GALNT16: variants seen among roughly 807,000 people sequenced by gnomAD.
GALNT16 encodes UDP-GalNAc:polypeptide N-acetylgalactosaminyltransferase-like protein 1.
GALNT16 carries 40 observed loss-of-function variants against 76.1 expected under a neutral mutation model. That is an observed-to-expected ratio of 0.53 (90% confidence interval 0.41 to 0.68). The LOEUF (loss-of-function observed/expected upper bound fraction) is 0.68, where lower values mean the gene tolerates loss of function less well. Ranked by LOEUF, GALNT16 falls within the 30% of genes least tolerant of loss-of-function variation. The pLI, the probability that GALNT16 is intolerant of heterozygous loss-of-function variation, is 0.00. For missense variants in GALNT16, 621 were observed against 731.9 expected, an observed-to-expected ratio of 0.85 and a Z score of 1.75; for synonymous variants, 276 against 285.2, an observed-to-expected ratio of 0.97 and a Z score of 0.32.
chr14:69,372,494 T>TC, the GALNT16 span, among the ~76,000 whole-genome samples: 5 of 143,182 alleles, frequency 3.5e-5, no homozygotes, highest in Non-Finnish European at 7.7e-5. Context: ...CATTAGCCTT[T>TC]TTTTTTTTTT....
At chr14:69,276,661 A>G (rs1052676473) in intron 1 of GALNT16, among the ~76,000 whole-genome samples, 2 of 148,262 alleles carry the variant, frequency 1.3e-5, no homozygotes, top group Admixed American at 6.9e-5. Flanking sequence ...AGCCTGGGCA[A>G]CAGAGTGAGA....
At chr14:69,312,053 AAATCTGTCTATCTATCTATCTATCT>A (rs1422018144) in intron 1 of GALNT16, among the ~76,000 whole-genome samples, 1 of 127,750 alleles carries the variant, frequency 7.8e-6, no homozygotes, top group Non-Finnish European at 1.7e-5. Context: ...AAAAAAAAAA[AAATCTGTCTATCTATCTATCTATCT>A]ATCTATCTAT....
rs1334552623 is a variant in GALNT16, at chr14:69,262,870, GAT to G, written c.177+2404_177+2405del. ...ATCCCCACATTGATGCACACAGCAA[GAT>G]TTCTTTTTTTCTTTTTTTTTTTTTT... On this transcript the variant is annotated intron_variant, in intron 1 of 14. Coordinates refer to ENST00000448469, the MANE Select transcript of GALNT16 (RefSeq NM_001168368.2). Among the ~76,000 whole-genome samples the G allele has an allele frequency of 2.2e-5, 3 of 136,602 alleles. No homozygotes were observed. The East Asian group carries it at 7.0e-4, about 32-fold the overall frequency. 89.6% of individuals were successfully genotyped at this position (136,602 alleles called of 152,430 possible). A position where few individuals can be genotyped will look rare whatever the true frequency, so the allele number is the denominator to read the frequency against.
chr14:69,276,400 A>G (rs2044471658), intron 1 of GALNT16, among the ~76,000 whole-genome samples: 1 of 152,130 alleles, frequency 6.6e-6, no homozygotes, highest in African/African-American at 2.4e-5. Flanking sequence ...AGAAGCTTGG[A>G]GGCTGGGTGC....
intron 1 of GALNT16, chr14:69,298,661 C>A (rs1594832071): frequency 6.6e-6 from 1 of 152,366 alleles, no homozygotes; most frequent in Middle Eastern, 3.4e-3. Context: ...GTTGCCACAG[C>A]AACAGCTGTT....
the GALNT16 span, among the ~76,000 whole-genome samples, chr14:69,372,504 T>TC: frequency 6.8e-6 from 1 of 147,536 alleles, no homozygotes; most frequent in Non-Finnish European, 1.5e-5. Flanking sequence ...TTTTTTTTTT[T>TC]TTTTTTTTTG....
At chr14:69,383,750 A>AGG in the GALNT16 span, among the ~76,000 whole-genome samples, 2 of 152,252 alleles carry the variant, frequency 1.3e-5, no homozygotes, top group Non-Finnish European at 2.9e-5. Context: ...GGGAAGAATT[A>AGG]TCTAGGTAAT....
chr14:69,339,666 C>A, intron 11 of GALNT16, 47 bp downstream of exon 11: 3 of 1,183,144 alleles, frequency 2.5e-6, no homozygotes, highest in Non-Finnish European at 3.7e-6. Flanking sequence ...CCCACATTAG[C>A]ACAACCCCAG....
At position 69,339,449 on chromosome 14, in the gene GALNT16, G is replaced by A. The variant is rs114517657; in HGVS notation, c.1095-78G>A. The A allele has an allele frequency of 2.5e-4, 213 of 862,948 alleles. No individual in the cohort carries two copies. The African/African-American group carries it at 3.1e-3, about 12-fold the overall frequency. 53.5% of individuals were successfully genotyped at this position (862,948 alleles called of 1,614,324 possible). Reference sequence around the variant, plus strand: ...AGATTCTCATCGTCCTGTATTCATGGATCGATTAATCTTGATCCTGACCGC... The same window carrying A: ...AGATTCTCATCGTCCTGTATTCATGAATCGATTAATCTTGATCCTGACCGC... On this transcript the variant is annotated intron_variant, in intron 10 of 14. Coordinates refer to ENST00000448469, the MANE Select transcript of GALNT16 (RefSeq NM_001168368.2).
At chr14:69,366,910 A>G in the GALNT16 span, among the ~76,000 whole-genome samples, 1 of 152,222 alleles carries the variant, frequency 6.6e-6, no homozygotes, top group Non-Finnish European at 1.5e-5. Context: ...ACACAGTGCA[A>G]TATAAGCCAT....
At chr14:69,285,892 T>C (rs765256086) in intron 1 of GALNT16, among the ~76,000 whole-genome samples, 2 of 152,182 alleles carry the variant, frequency 1.3e-5, no homozygotes, top group Non-Finnish European at 2.9e-5. Flanking sequence ...GCAACCATAG[T>C]GACCCCAACC....
At chr14:69,301,349 A>AT (rs2044849489) in intron 1 of GALNT16, among the ~76,000 whole-genome samples, 2 of 152,056 alleles carry the variant, frequency 1.3e-5, no homozygotes, top group Non-Finnish European at 2.9e-5. Context: ...ATGTAGCTTT[A>AT]TTTTTTTAAA....
rs201578003 is a variant in GALNT16, at chr14:69,346,999, G to T, written c.1272-41G>T. 36 of 1,611,522 alleles carry T rather than the reference G, an allele frequency of 2.2e-5. 1 individual carries two copies. Among genetic ancestry groups the T allele is most frequent in the South Asian group, 1.8e-4 (16 of 91,018 alleles). ...CTGGCAGAGGGTGTAGGTAAGCCTT[G>T]GGGGGGAAAGCACAAGCCTGACTGC... On this transcript the variant is annotated intron_variant, in intron 12 of 14. Coordinates refer to ENST00000448469, the MANE Select transcript of GALNT16 (RefSeq NM_001168368.2).
the GALNT16 span, among the ~76,000 whole-genome samples, chr14:69,373,142 AACT>A: frequency 6.6e-6 from 1 of 152,212 alleles, no homozygotes; most frequent in South Asian, 2.1e-4. Flanking sequence ...TAAAAGACTC[AACT>A]ATACTCTTTT....
In GALNT16 at chr14:69,333,583, G is replaced by A. The variant is rs144140025; in HGVS notation, c.950G>A (p.Trp317Ter). ...LGKYDAQMDIWGGENFELSFR... is the reference protein window; with the variant it reads ...LGKYDAQMDI ...AAGTATGATGCCCAGATGGACATCT[G>A]GGGGGGAGAGAATTTTGGTGAGTTG... Residue 317 changes from tryptophan (W) to a stop codon, truncating the protein, a stop_gained, in exon 9 of 15, where the codon TGG becomes TAG. Coordinates refer to ENST00000448469, the MANE Select transcript of GALNT16 (RefSeq NM_001168368.2). LOFTEE classifies it high-confidence loss of function. This position sits in a 1 kb window ranked among gnomAD's most constrained non-coding sequence, Gnocchi z 4.2. 7 of 1,557,836 alleles carry A rather than the reference G, an allele frequency of 4.5e-6. No homozygotes were observed. The highest frequency in any genetic ancestry group is 2.2e-5 in the South Asian group (2 of 89,448).
intron 5 of GALNT16, 99 bp from the exon 6 acceptor site, chr14:69,328,351 T>G: frequency 8.0e-7 from 1 of 1,247,034 alleles, no homozygotes; most frequent in African/African-American, 1.5e-5. Flanking sequence ...TCAGGAAGCC[T>G]CAGCCCCTGA....
intron 12 of GALNT16, among the ~76,000 whole-genome samples, chr14:69,346,069 A>G (rs537822098): frequency 1.0e-4 from 15 of 150,012 alleles, no homozygotes; most frequent in Non-Finnish European, 1.8e-4. Context: ...TTTTTTTTTA[A>G]TTTTTGTAGA....
At chr14:69,322,924 GGGTGTGTGTGTGTGTGT>G (rs1255386792) in intron 2 of GALNT16, among the ~76,000 whole-genome samples, 53 of 104,708 alleles carry the variant, frequency 5.1e-4, no homozygotes, top group African/African-American at 1.9e-3. Flanking sequence ...GTGGCTCACG[GGGTGTGTGTGTGTGTGT>G]GTGTGTGTGT....
At chr14:69,317,850 G>A (rs1414884419) in intron 1 of GALNT16, among the ~76,000 whole-genome samples, 2 of 152,224 alleles carry the variant, frequency 1.3e-5, no homozygotes, top group East Asian at 1.9e-4. Flanking sequence ...GCAAAAGGAG[G>A]AGTTCAAGAG....
Sources: gnomAD v4.1 joint callset for allele counts (sites outside exome capture counted in the v4.1 genomes callset) on GRCh38, gnomAD v4.1.1 for gene constraint, Gnocchi (gnomAD v3.1) non-coding constraint, MANE v1.5 for transcripts, NCBI Gene and HGNC (gene_info 2026-07-23, HGNC 2026-07-21) for gene names.